The following SBF2 variants were observed in gnomAD, a reference collection of about 807,000 sequenced individuals.
SBF2 encodes myotubularin-related protein 13.
A neutral mutation model predicts 225.2 loss-of-function variants in SBF2; 112 were observed. The ratio of observed to expected loss-of-function variants is 0.50; its 90% CI spans 0.43 to 0.58. The LOEUF (loss-of-function observed/expected upper bound fraction) is 0.58. SBF2 is among the 20% of genes least tolerant of loss of function. SBF2 has a pLI of 0.00. For missense variants in SBF2, 1,996 were observed against 2,206.2 expected (o/e 0.90, Z 1.91); for synonymous variants, 763 against 773.3 (o/e 0.99, Z 0.22).
chr11:10,256,355 T>C (rs1047551163), intron 1 of SBF2, among the ~76,000 whole-genome samples: 1 of 152,224 alleles, frequency 6.6e-6, no homozygotes, highest in African/African-American at 2.4e-5. Flanking sequence ...TTCTCTGATA[T>C]CTCACATTGA....
intron 1 of SBF2, among the ~76,000 whole-genome samples, chr11:10,235,653 C>T (rs554103946): frequency 3.3e-5 from 5 of 152,094 alleles, no homozygotes; most frequent in East Asian, 1.9e-4. Context: ...ATCCTTCAAA[C>T]GTTTCTATAG....
chr11:10,274,157 T>C (rs1398439045), intron 1 of SBF2, among the ~76,000 whole-genome samples: 4 of 152,244 alleles, frequency 2.6e-5, no homozygotes, highest in African/African-American at 9.6e-5. Context: ...AAAGTGGCAC[T>C]CCATGAGATC....
chr11:10,244,332 A>C (rs1369240322), intron 1 of SBF2, among the ~76,000 whole-genome samples: 1 of 152,174 alleles, frequency 6.6e-6, no homozygotes, highest in East Asian at 1.9e-4. Context: ...ATTGTTTTGC[A>C]TATGGATATC....
At chr11:9,921,541 T>C (rs898308320) in intron 16 of SBF2, among the ~76,000 whole-genome samples, 6 of 152,368 alleles carry the variant, frequency 3.9e-5, no homozygotes, top group African/African-American at 7.2e-5. Context: ...CTTTCTGATA[T>C]GGCCTTGAAA....
At chr11:10,016,421 T>C (rs1053830928) in intron 6 of SBF2, 2 of 152,158 alleles carry the variant, frequency 1.3e-5, no homozygotes, top group African/African-American at 4.8e-5. Flanking sequence ...CCAAGCCTAA[T>C]TGAAATACTA....
chr11:9,879,300 T>G (rs972661813), intron 17 of SBF2, among the ~76,000 whole-genome samples: 6 of 152,256 alleles, frequency 3.9e-5, no homozygotes, highest in African/African-American at 1.4e-4. Context: ...AATCTTTGCT[T>G]TTGTTATTCA....
intron 16 of SBF2, among the ~76,000 whole-genome samples, chr11:9,907,395 C>T (rs925741857): frequency 3.3e-5 from 5 of 152,174 alleles, no homozygotes; most frequent in Non-Finnish European, 7.3e-5. Flanking sequence ...GTTGAGGAAG[C>T]CCATCCATGC....
At chr11:10,197,927 G>C (rs926206455) in intron 1 of SBF2, among the ~76,000 whole-genome samples, 1 of 152,156 alleles carries the variant, frequency 6.6e-6, no homozygotes, top group African/African-American at 2.4e-5. Flanking sequence ...CACATCTTCA[G>C]GCTCCACTTC....
chr11:10,019,233 T>A (rs747124837), intron 6 of SBF2, among the ~76,000 whole-genome samples: 5 of 152,182 alleles, frequency 3.3e-5, no homozygotes, highest in Non-Finnish European at 7.4e-5. Context: ...GGAACTTTCT[T>A]ATAGACTCCC....
chr11:10,140,878 A>C (rs1225155722), intron 2 of SBF2, among the ~76,000 whole-genome samples: 1 of 152,220 alleles, frequency 6.6e-6, no homozygotes, highest in Non-Finnish European at 1.5e-5. Flanking sequence ...AAAAATTCCC[A>C]CACATCTGTT....
At chr11:10,220,827 C>T (rs1958312593) in intron 1 of SBF2, among the ~76,000 whole-genome samples, 1 of 152,164 alleles carries the variant, frequency 6.6e-6, no homozygotes, top group African/African-American at 2.4e-5. Flanking sequence ...ATTCTTCCAA[C>T]CTGTCATTCA....
intron 17 of SBF2, among the ~76,000 whole-genome samples, chr11:9,887,094 G>T (rs997412994): frequency 6.6e-6 from 1 of 151,388 alleles, no homozygotes; most frequent in Non-Finnish European, 1.5e-5. Context: ...TTTTTCTGAA[G>T]AATGAACAAA....
intron 26 of SBF2, among the ~76,000 whole-genome samples, chr11:9,835,892 T>A (rs895455149): frequency 1.3e-5 from 2 of 152,112 alleles, no homozygotes; most frequent in African/African-American, 4.8e-5. Context: ...CTAGTTTTTT[T>A]AATTATTAAG....
intron 6 of SBF2, among the ~76,000 whole-genome samples, chr11:10,026,402 C>A (rs747976302): frequency 5.3e-5 from 8 of 151,912 alleles, no homozygotes; most frequent in Non-Finnish European, 1.2e-4. Context: ...TAGTAGGGAC[C>A]ACAGACAAGC....
At chr11:9,985,871 T>A (rs537092196) in intron 13 of SBF2, among the ~76,000 whole-genome samples, 1 of 152,270 alleles carries the variant, frequency 6.6e-6, no homozygotes, top group East Asian at 1.9e-4. Flanking sequence ...ATTAGACAGG[T>A]CATCAAGACA....
chr11:9,887,962 T>A (rs2134108462), intron 17 of SBF2, among the ~76,000 whole-genome samples: 1 of 152,310 alleles, frequency 6.6e-6, no homozygotes, highest in African/African-American at 2.4e-5. Flanking sequence ...AAGTGATGAC[T>A]TAGGAAATAT....
rs79964533 is a variant in SBF2 at position 9,914,690 on chromosome 11, G to T, written c.1861-18679C>A. On this transcript the variant is annotated intron_variant, in intron 16 of 39. Coordinates refer to ENST00000256190, the MANE Select transcript of SBF2 (RefSeq NM_030962.4). ...CATGAAAGAAATAACTGATAAGTGA[G>T]GCTTCACAAAAATCAAAATTTTCTG... is the stretch of plus-strand genomic sequence containing the variant. Among the ~76,000 whole-genome samples the T allele has an allele frequency of 6.2e-3, 943 of 152,098 alleles. 6 individuals are homozygous for T. The highest frequency in any genetic ancestry group is 0.02 in the Middle Eastern group (6 of 294).
chr11:9,798,718 G>A (rs1483738184), intron 32 of SBF2, among the ~76,000 whole-genome samples: 1 of 152,050 alleles, frequency 6.6e-6, no homozygotes, highest in Non-Finnish European at 1.5e-5. Context: ...AGGCCGAGGC[G>A]GGTGGATCAT....
intron 24 of SBF2, among the ~76,000 whole-genome samples, chr11:9,844,130 T>G (rs146039656): frequency 6.6e-6 from 1 of 152,184 alleles, no homozygotes; most frequent in East Asian, 1.9e-4. Context: ...ACAAACATCA[T>G]AGGCTCCTCT....
Sources: allele counts gnomAD v4.1 joint callset (sites outside exome capture counted in the v4.1 genomes callset), GRCh38; gene constraint gnomAD v4.1.1; transcripts MANE v1.5; gene names NCBI Gene and HGNC (gene_info 2026-07-23, HGNC 2026-07-21).